Variants in PAPOLA observed in about 807,000 individuals in gnomAD.
PAPOLA encodes polynucleotide adenylyltransferase alpha.
Under a neutral mutation model 100.6 loss-of-function variants are expected in PAPOLA, and 15 were observed. The observed-to-expected ratio is 0.15, with a 90% CI of 0.10 to 0.23. PAPOLA has a LOEUF of 0.23. PAPOLA is among the 10% of genes least tolerant of loss of function. PAPOLA has a pLI of 1.00. For synonymous variants in PAPOLA, 293 were observed against 300.0 expected (o/e 0.98, Z 0.24); for missense variants, 533 against 884.2 (o/e 0.60, Z 5.04).
At chr14:96,502,881 C>G in intron 1 of PAPOLA, 1 of 406,102 alleles carries the variant, frequency 2.5e-6, no homozygotes, top group Non-Finnish European at 4.4e-6. Context: ...CTCTAACTCG[C>G]CCGGCCACTC....
chr14:96,513,108 G>A (rs1161684681), intron 1 of PAPOLA, among the ~76,000 whole-genome samples: 2 of 152,162 alleles, frequency 1.3e-5, no homozygotes, highest in African/African-American at 4.8e-5. Flanking sequence ...TTGTTGCTCA[G>A]GCTGGACTGC....
intron 7 of PAPOLA, chr14:96,531,842 T>C (rs1899046532): frequency 7.1e-7 from 1 of 1,401,892 alleles, no homozygotes; most frequent in South Asian, 1.7e-5. Context: ...ACTTTTGTAC[T>C]CTGTTGCTAG....
Position 96,549,313 on chromosome 14 carries a change from A to G in PAPOLA, c.1521+1395A>G, listed in dbSNP as rs571810766. Among the ~76,000 whole-genome samples, 4 of 151,730 alleles carry G rather than the reference A, an allele frequency of 2.6e-5. No individual in the cohort carries two copies. The East Asian group carries it at 7.8e-4, about 29-fold the overall frequency. On this transcript the variant is annotated intron_variant, in intron 16 of 21. Coordinates refer to ENST00000216277, the MANE Select transcript of PAPOLA (RefSeq NM_032632.5). ...GCCCAGGCTGGAGTGCCGTGGCACA[A>G]TTTCGGCTCACTGCAAGCTCCGCCT... is the stretch of plus-strand genomic sequence containing the variant.
Position 96,565,832 on chromosome 14 carries a change from C to G in PAPOLA, c.*782C>G. 5.0e-6 allele frequency: 2 copies of G among 397,350 alleles called. No individual in the cohort carries two copies. The highest frequency in any genetic ancestry group is 4.1e-5 in the African/African-American group (2 of 48,660). The allele number at this position is 397,350 out of a possible 1,614,324, so 24.6% of individuals were successfully genotyped here. On this transcript the variant is annotated 3_prime_UTR_variant, in exon 22 of 22. Coordinates refer to ENST00000216277, the MANE Select transcript of PAPOLA (RefSeq NM_032632.5). ...TTCAATCTGTTGTCTTCAAAACAAA[C>G]AAACAAAAAAAGCTTCTTGCGCCTT... is the stretch of plus-strand genomic sequence containing the variant.
intron 15 of PAPOLA, among the ~76,000 whole-genome samples, chr14:96,546,735 A>G (rs1400558235): frequency 1.3e-5 from 2 of 152,144 alleles, no homozygotes; most frequent in African/African-American, 4.8e-5. Flanking sequence ...TTGTTACTAG[A>G]TGAATTTTGT....
chr14:96,551,555 A>G (rs1430946024), intron 16 of PAPOLA, among the ~76,000 whole-genome samples: 1 of 152,238 alleles, frequency 6.6e-6, no homozygotes, highest in Non-Finnish European at 1.5e-5. Flanking sequence ...ACTAGAAAGC[A>G]GAGAATGCAG....
chr14:96,532,342 A>G lies in PAPOLA; in HGVS notation c.619A>G (p.Thr207Ala). Residue 207 changes from threonine (T) to alanine (A), a missense_variant, in exon 8 of 22, where the codon ACC (threonine) becomes GCC (alanine). Coordinates refer to ENST00000216277, the MANE Select transcript of PAPOLA (RefSeq NM_032632.5). The part of the protein sequence containing the change: ...CIRSLNGCRV[T>A]DEILHLVPNI... ...CCCCTATTAATTAGGTTGCAGGGTAACCGATGAAATTTTACATCTAGTACC... is the reference window on the plus strand; with the variant it reads ...CCCCTATTAATTAGGTTGCAGGGTAGCCGATGAAATTTTACATCTAGTACC... 6.2e-7 allele frequency: 1 copy of G among 1,611,832 alleles called. No individual in the cohort carries two copies. Among genetic ancestry groups the G allele is most frequent in the South Asian group, 1.1e-5 (1 of 90,496 alleles).
chr14:96,550,162 A>G (rs1209625738), intron 16 of PAPOLA, among the ~76,000 whole-genome samples: 2 of 152,136 alleles, frequency 1.3e-5, no homozygotes, highest in Non-Finnish European at 2.9e-5. Context: ...CAAAATAATA[A>G]TTTTTTTAAA....
At chr14:96,511,704 G>A (rs1470828523) in intron 1 of PAPOLA, among the ~76,000 whole-genome samples, 4 of 152,072 alleles carry the variant, frequency 2.6e-5, no homozygotes, top group Non-Finnish European at 5.9e-5. Context: ...ATTTTATTTA[G>A]CATTGTCTTT....
chr14:96,515,926 A>C (rs1897420884), intron 1 of PAPOLA, among the ~76,000 whole-genome samples: 1 of 152,164 alleles, frequency 6.6e-6, no homozygotes, highest in African/African-American at 2.4e-5. Flanking sequence ...CATTCTTGGG[A>C]TTGGTAGCTG....
chr14:96,504,458 T>C (rs1896569941), intron 1 of PAPOLA: 1 of 152,250 alleles, frequency 6.6e-6, no homozygotes, highest in Non-Finnish European at 1.5e-5. Context: ...ATCCCAGCAC[T>C]TTGGGAGGCC....
intron 12 of PAPOLA, 75 bp downstream of exon 12, chr14:96,537,135 T>C: frequency 2.4e-6 from 2 of 841,704 alleles, no homozygotes; most frequent in Non-Finnish European, 4.1e-6. Context: ...ATGACATTTC[T>C]TCTTGCTGGA....
At chr14:96,502,841 GC>G (rs1358793718) in intron 1 of PAPOLA, 23 of 427,046 alleles carry the variant, frequency 5.4e-5, no homozygotes, top group Non-Finnish European at 1.2e-5. Context: ...CGGGCCGGGG[GC>G]CTTCCCCTTC....
chr14:96,551,521 TA>T (rs1164139876), intron 16 of PAPOLA, among the ~76,000 whole-genome samples: 2 of 152,172 alleles, frequency 1.3e-5, no homozygotes, highest in Non-Finnish European at 2.9e-5. Flanking sequence ...AAATCAAAGA[TA>T]AGAATATTTT....
rs565802642 is a variant in PAPOLA at position 96,508,592 on chromosome 14, A to G, written c.8+5992A>G. On this transcript the variant is annotated intron_variant, in intron 1 of 21. Transcript: ENST00000216277. The stretch of plus-strand genomic sequence containing the variant: ...TGAAAATGTTTTGGCTCATCAGAAC[A>G]TTCTATTCTTGGGTAACTAAGTCAA... Among the ~76,000 whole-genome samples, 52 of 152,366 alleles carry G rather than the reference A, an allele frequency of 3.4e-4. No individual in the cohort carries two copies. In the South Asian group the frequency reaches 6.4e-3, roughly 19 times the overall value.
intron 19 of PAPOLA, among the ~76,000 whole-genome samples, chr14:96,559,519 T>C (rs773859347): frequency 3.2e-4 from 47 of 148,692 alleles, no homozygotes; most frequent in Non-Finnish European, 5.8e-4. Context: ...CGAAAATGTT[T>C]GCTCTATTTC....
chr14:96,505,940 T>A (rs1027945454), intron 1 of PAPOLA, among the ~76,000 whole-genome samples: 16 of 152,172 alleles, frequency 1.1e-4, no homozygotes, highest in African/African-American at 3.4e-4. Flanking sequence ...AGTCTTGCTC[T>A]GTCGCCGGGC....
intron 14 of PAPOLA, 28 bp downstream of exon 14, chr14:96,542,921 C>G (rs746200462): frequency 6.2e-7 from 1 of 1,604,612 alleles, no homozygotes; most frequent in Admixed American, 1.7e-5. Flanking sequence ...TTAATTTCTT[C>G]TTCCCATTTC....
In PAPOLA at chr14:96,520,190, C is replaced by T; in HGVS notation, c.144C>T (p.Pro48=). 6.2e-7 allele frequency: 1 copy of T among 1,613,812 alleles called. No individual in the cohort carries two copies. The highest frequency in any genetic ancestry group is 8.5e-7 in the Non-Finnish European group (1 of 1,179,888). ...LTQKLIETLK[P]FGVFEEEEEL... ...AGAAACTAATTGAGACATTGAAACC[C>T]TTTGGGGTTTTTGAAGAGGAAGAGG... The change falls in exon 2 of 22, where the codon CCC becomes CCT. Residue 48 remains proline (P), a synonymous_variant. Coordinates refer to ENST00000216277, the MANE Select transcript of PAPOLA (RefSeq NM_032632.5).
Sources: allele counts gnomAD v4.1 joint callset (sites outside exome capture counted in the v4.1 genomes callset), GRCh38; gene constraint gnomAD v4.1.1; transcripts MANE v1.5; gene names NCBI Gene and HGNC (gene_info 2026-07-23, HGNC 2026-07-21).